The following JAKMIP2 variants were observed in gnomAD, a reference collection of about 807,000 sequenced individuals.
The protein encoded by JAKMIP2 is janus kinase and microtubule interacting protein 2.
A neutral mutation model predicts 115.0 loss-of-function variants in JAKMIP2; 25 were observed. The observed-to-expected ratio is 0.22, with a 90% CI of 0.16 to 0.30. The LOEUF (loss-of-function observed/expected upper bound fraction) is 0.30. Among genes scored for constraint, JAKMIP2 ranks in the 10% least tolerant of loss-of-function variants. JAKMIP2 has a pLI of 1.00. For missense variants in JAKMIP2, 642 were observed against 957.6 expected, an observed-to-expected ratio of 0.67 and a Z score of 4.35; for synonymous variants, 334 against 343.6, an observed-to-expected ratio of 0.97 and a Z score of 0.31.
intron 4 of JAKMIP2, among the ~76,000 whole-genome samples, chr5:147,649,809 C>A (rs565035386): frequency 6.6e-6 from 1 of 152,092 alleles, no homozygotes; most frequent in Admixed American, 6.6e-5. Flanking sequence ...CATATAAGCC[C>A]ATTTCTATTG....
At chr5:147,725,881 A>G (rs1326773526) in intron 1 of JAKMIP2, among the ~76,000 whole-genome samples, 1 of 152,180 alleles carries the variant, frequency 6.6e-6, no homozygotes, top group Non-Finnish European at 1.5e-5. Context: ...AGGACTAGGC[A>G]TGTACACGAT....
intron 20 of JAKMIP2, among the ~76,000 whole-genome samples, chr5:147,605,452 G>A (rs889691956): frequency 3.3e-5 from 5 of 151,908 alleles, no homozygotes; most frequent in South Asian, 2.1e-4. Flanking sequence ...CTGGTGATCC[G>A]CCCACCTCGG....
intron 3 of JAKMIP2, among the ~76,000 whole-genome samples, chr5:147,657,909 T>A (rs1758759769): frequency 6.6e-6 from 1 of 152,050 alleles, no homozygotes; most frequent in Admixed American, 6.5e-5. Context: ...TCCTGTAACC[T>A]TTTATCAAGG....
chr5:147,615,039 T>C (rs369869974), intron 19 of JAKMIP2, among the ~76,000 whole-genome samples: 2 of 152,200 alleles, frequency 1.3e-5, no homozygotes, highest in South Asian at 4.1e-4. Flanking sequence ...ATAGCACTTA[T>C]TGCCACTCTC....
chr5:147,597,149 C>G (rs1380171272), intron 21 of JAKMIP2, among the ~76,000 whole-genome samples: 1 of 151,808 alleles, frequency 6.6e-6, no homozygotes, highest in African/African-American at 2.4e-5. Context: ...TCCCAAAGTG[C>G]TGGGATTACA....
chr5:147,625,043 C>T lies in JAKMIP2; in HGVS notation c.1996-1354G>A, dbSNP rs925698527. Among the ~76,000 whole-genome samples, 11 of 152,026 alleles carry T rather than the reference C, an allele frequency of 7.2e-5. No homozygotes were observed. The East Asian group carries it at 7.7e-4, about 11-fold the overall frequency. The stretch of plus-strand genomic sequence containing the variant: ...TCACCCAGGCTGGAGTGCAATGGCA[C>T]GATCTTGGCTCACTGCAACCTCCGC... On this transcript the variant is annotated intron_variant, in intron 16 of 21. Transcript: ENST00000616793.
rs181352869 is a variant in JAKMIP2 at position 147,697,758 on chromosome 5, G to A, written c.-148-25804C>T. On this transcript the variant is annotated intron_variant, in intron 1 of 21. Transcript: ENST00000616793. ...ATAAAAGTCAAGAATTGAGGTTTGG[G>A]AACCTCTGCCTAGATTTCAGAGGAT... 2.6e-5 allele frequency among the ~76,000 whole-genome samples: 4 copies of A among 152,346 alleles called. No homozygotes were observed. The East Asian group carries it at 7.7e-4, about 29-fold the overall frequency.
At chr5:147,617,804 C>A in intron 19 of JAKMIP2, 107 bp downstream of exon 19, 2 of 776,856 alleles carry the variant, frequency 2.6e-6, no homozygotes, top group South Asian at 1.7e-5. Context: ...CTGAAAATAA[C>A]TTGTATCTCC....
At chr5:147,609,898 T>C (rs898420755) in intron 20 of JAKMIP2, among the ~76,000 whole-genome samples, 2 of 152,208 alleles carry the variant, frequency 1.3e-5, no homozygotes, top group Non-Finnish European at 2.9e-5. Context: ...CATTCTTTTT[T>C]CTCTAATCTT....
At chr5:147,702,650 A>AAGAAAGAAAGAGAG (rs1752409234) in intron 1 of JAKMIP2, among the ~76,000 whole-genome samples, 4 of 112,036 alleles carry the variant, frequency 3.6e-5, no homozygotes, top group East Asian at 5.6e-4. Flanking sequence ...GAAAGAAAGA[A>AAGAAAGAAAGAGAG]AGAAAGAAAG....
intron 21 of JAKMIP2, among the ~76,000 whole-genome samples, chr5:147,598,474 T>C (rs1433623470): frequency 6.7e-6 from 1 of 148,194 alleles, no homozygotes; most frequent in African/African-American, 2.5e-5. Flanking sequence ...TATCTATGTA[T>C]CATCTATCTA....
intron 1 of JAKMIP2, among the ~76,000 whole-genome samples, chr5:147,692,292 C>A (rs1362791424): frequency 6.6e-6 from 1 of 152,136 alleles, no homozygotes; most frequent in Non-Finnish European, 1.5e-5. Context: ...GAAGAGAGGA[C>A]GGAATAGTCT....
intron 11 of JAKMIP2, 143 bp from the exon 12 acceptor site, chr5:147,636,427 CAGCTCCTTCAAAGAA>C: frequency 1.6e-6 from 1 of 627,906 alleles, no homozygotes; most frequent in Admixed American, 3.0e-5. Flanking sequence ...CCACCCCTGC[CAGCTCCTTCAAAGAA>C]ATTGGGGCCA....
chr5:147,662,766 C>T (rs1038197547), intron 2 of JAKMIP2, among the ~76,000 whole-genome samples: 3 of 152,116 alleles, frequency 2.0e-5, no homozygotes, highest in Admixed American at 2.0e-4. Flanking sequence ...GGATGGATCA[C>T]CTGAGGTCAG....
chr5:147,721,471 T>A (rs1158617976), intron 1 of JAKMIP2, among the ~76,000 whole-genome samples: 1 of 152,120 alleles, frequency 6.6e-6, no homozygotes, highest in African/African-American at 2.4e-5. Flanking sequence ...TGCAGTTTGA[T>A]CTCAGACTGC....
At chr5:147,640,491 T>C (rs922218202) in intron 9 of JAKMIP2, among the ~76,000 whole-genome samples, 1 of 152,192 alleles carries the variant, frequency 6.6e-6, no homozygotes, top group African/African-American at 2.4e-5. Context: ...ATTAGAGAGT[T>C]GAACTGGAGA....
intron 1 of JAKMIP2, 99 bp from the exon 2 acceptor site, chr5:147,672,053 C>G (rs1303467989): frequency 1.3e-6 from 1 of 767,698 alleles, no homozygotes; most frequent in Non-Finnish European, 1.7e-6. Context: ...AGAGCCTCCT[C>G]CTGAGGCTCT....
chr5:147,661,061 T>C lies in JAKMIP2; in HGVS notation c.514A>G (p.Asn172Asp), dbSNP rs1390035594. Residue 172 changes from asparagine to aspartate, a missense_variant, in exon 3 of 22, where the codon AAT becomes GAT. Physicochemically the swap from Asn to Asp is conservative, Grantham distance 23. This residue lies in a region of JAKMIP2 where 439 missense variants were observed against 570.9 expected (regional missense o/e 0.77). Transcript: ENST00000616793. ...AKKQVDEALS[N>D]MIQADKIKAG... ...TTGATTTTATCTGCTTGGATCATAT[T>C]GCTCAGAGCCTCGTCCACCTGCTTC... The C allele has an allele frequency of 3.1e-6, 5 of 1,613,972 alleles. No homozygotes were observed. Among genetic ancestry groups the C allele is most frequent in the Non-Finnish European group, 4.2e-6 (5 of 1,180,030 alleles).
intron 1 of JAKMIP2, among the ~76,000 whole-genome samples, chr5:147,692,882 C>T (rs1751935594): frequency 6.6e-6 from 1 of 152,160 alleles, no homozygotes; most frequent in African/African-American, 2.4e-5. Context: ...ACTGTCAACA[C>T]TAACACTGAT....
Sources: allele counts gnomAD v4.1 joint callset (sites outside exome capture counted in the v4.1 genomes callset), GRCh38; gene constraint gnomAD v4.1.1; regional missense constraint gnomAD v4.1.1; transcripts MANE v1.5; gene names NCBI Gene and HGNC (gene_info 2026-07-23, HGNC 2026-07-21).